TAFA2: variants seen among roughly 807,000 people sequenced by gnomAD.
TAFA2 encodes chemokine-like protein TAFA-2.
In TAFA2, 7 loss-of-function variants were observed where a neutral mutation model predicts 18.8. That is an observed-to-expected ratio of 0.37 (90% CI 0.21 to 0.70). The LOEUF is 0.70. Ranked by LOEUF, TAFA2 falls within the 30% of genes least tolerant of loss-of-function variation. The probability of loss-of-function intolerance (pLI) is 0.53; values close to 1 mark genes in which losing one functional copy is unlikely to be tolerated. For synonymous variants in TAFA2, 60 were observed against 54.2 expected (o/e 1.11, Z -0.47); for missense variants, 122 against 158.1 (o/e 0.77, Z 1.23).
At chr12:61,941,306 CTT>C (rs1295640365) in intron 1 of TAFA2, among the ~76,000 whole-genome samples, 1 of 152,192 alleles carries the variant, frequency 6.6e-6, no homozygotes, top group Non-Finnish European at 1.5e-5. Flanking sequence ...AATCTGCACT[CTT>C]TTTAATTTTC....
At chr12:61,915,902 A>G (rs1014732838) in intron 1 of TAFA2, among the ~76,000 whole-genome samples, 2 of 152,214 alleles carry the variant, frequency 1.3e-5, no homozygotes, top group African/African-American at 2.4e-5. Flanking sequence ...TTCCAGAAAC[A>G]GCCTCACAGA....
At position 62,091,701 on chromosome 12, in the gene TAFA2, G is replaced by A. The variant is rs143984407; in HGVS notation, c.-2+99558C>T. 3.5e-3 allele frequency among the ~76,000 whole-genome samples: 528 copies of A among 151,884 alleles called. 3 individuals carry two copies. The highest frequency in any genetic ancestry group is 4.9e-3 in the Non-Finnish European group (335 of 67,886). ...AATCATCTGAAGGTCCTAATTAACC[G>A]CCACATCCCCTAGGTGATCCCAGAC... On this transcript the variant is annotated intron_variant, in intron 1 of 4. Coordinates refer to ENST00000416284, the MANE Select transcript of TAFA2 (RefSeq NM_178539.5).
chr12:61,924,285 C>T (rs189290925), intron 1 of TAFA2, among the ~76,000 whole-genome samples: 3 of 152,168 alleles, frequency 2.0e-5, no homozygotes, highest in Non-Finnish European at 2.9e-5. Context: ...GACACGTAAT[C>T]GTCAGATTCT....
intron 4 of TAFA2, among the ~76,000 whole-genome samples, chr12:61,723,379 GAATA>G (rs1409432169): frequency 4.6e-5 from 7 of 152,142 alleles, no homozygotes; most frequent in African/African-American, 1.7e-4. Flanking sequence ...ATGGAGAGAT[GAATA>G]AATAAATGAA....
intron 1 of TAFA2, among the ~76,000 whole-genome samples, chr12:62,043,715 T>G (rs1881831567): frequency 6.6e-6 from 1 of 152,190 alleles, no homozygotes; most frequent in South Asian, 2.1e-4. Context: ...TTAAGCATCT[T>G]GCAAGGAATC....
intron 2 of TAFA2, among the ~76,000 whole-genome samples, chr12:61,850,158 G>A (rs947518828): frequency 4.0e-5 from 6 of 151,728 alleles, no homozygotes; most frequent in African/African-American, 1.5e-4. Flanking sequence ...TATACCTGTG[G>A]TATTAAAATT....
chr12:61,960,388 A>T (rs1878842105), intron 1 of TAFA2, among the ~76,000 whole-genome samples: 1 of 152,002 alleles, frequency 6.6e-6, no homozygotes, highest in Admixed American at 6.6e-5. Flanking sequence ...GTGTCTAATT[A>T]TCATTGAATG....
chr12:62,101,272 A>G (rs1413042444), intron 1 of TAFA2, among the ~76,000 whole-genome samples: 1 of 152,182 alleles, frequency 6.6e-6, no homozygotes, highest in Non-Finnish European at 1.5e-5. Context: ...TGACTAATGG[A>G]TTTAACCAAT....
At chr12:61,747,382 T>C (rs1259704908) in intron 4 of TAFA2, among the ~76,000 whole-genome samples, 4 of 146,642 alleles carry the variant, frequency 2.7e-5, no homozygotes, top group Non-Finnish European at 1.5e-5. Context: ...CCCAAAGGAT[T>C]ATAAATCATG....
At chr12:61,972,357 T>C (rs772313993) in intron 1 of TAFA2, among the ~76,000 whole-genome samples, 3 of 150,224 alleles carry the variant, frequency 2.0e-5, no homozygotes, top group Non-Finnish European at 4.4e-5. Flanking sequence ...GTACTACCTA[T>C]AGAAATGGAA....
chr12:62,208,090 G>GA (rs2062699606), intron 1 of TAFA2, among the ~76,000 whole-genome samples: 1 of 152,080 alleles, frequency 6.6e-6, no homozygotes, highest in African/African-American at 2.4e-5. Flanking sequence ...GAGTCCATGG[G>GA]AAAATCTAAC....
chr12:61,810,387 T>C (rs1241040354), intron 2 of TAFA2, among the ~76,000 whole-genome samples: 1 of 151,120 alleles, frequency 6.6e-6, no homozygotes, highest in African/African-American at 2.5e-5. Context: ...TATAGATATT[T>C]CCACTTATTA....
chr12:61,736,098 C>A (rs1411224630), intron 4 of TAFA2, among the ~76,000 whole-genome samples: 1 of 151,948 alleles, frequency 6.6e-6, no homozygotes, highest in African/African-American at 2.4e-5. Flanking sequence ...CCCTTCTCAG[C>A]AATCCCTGGC....
intron 1 of TAFA2, among the ~76,000 whole-genome samples, chr12:62,208,306 T>C (rs897141937): frequency 3.3e-5 from 5 of 151,900 alleles, no homozygotes; most frequent in African/African-American, 1.2e-4. Context: ...GATAGTGGCC[T>C]AAGACATTCA....
At chr12:61,737,822 G>A (rs145494419) in intron 4 of TAFA2, among the ~76,000 whole-genome samples, 84 of 151,794 alleles carry the variant, frequency 5.5e-4, no homozygotes, top group Middle Eastern at 6.8e-3. Flanking sequence ...AATAAATAAG[G>A]CAGTAAGCAC....
intron 1 of TAFA2, among the ~76,000 whole-genome samples, chr12:62,230,332 G>C (rs2062806894): frequency 6.6e-6 from 1 of 151,458 alleles, no homozygotes; most frequent in African/African-American, 2.4e-5. Flanking sequence ...CTATGTTTTT[G>C]ATGTAAGCAT....
At chr12:61,818,656 G>A (rs1872194479) in intron 2 of TAFA2, among the ~76,000 whole-genome samples, 1 of 151,970 alleles carries the variant, frequency 6.6e-6, no homozygotes, top group Non-Finnish European at 1.5e-5. Context: ...TTCCTTACTG[G>A]GGTCCCTGAG....
At chr12:62,088,634 G>T (rs199910107) in intron 1 of TAFA2, among the ~76,000 whole-genome samples, 7 of 122,556 alleles carry the variant, frequency 5.7e-5, no homozygotes, top group African/African-American at 9.3e-5. Context: ...AAAAAAAAAA[G>T]ACACTGGAAA....
chr12:61,868,851 T>A (rs1874468615), intron 1 of TAFA2, among the ~76,000 whole-genome samples: 1 of 152,174 alleles, frequency 6.6e-6, no homozygotes, highest in African/African-American at 2.4e-5. Flanking sequence ...AGTCCAAACT[T>A]TAATGGCTTC....
Sources: allele counts gnomAD v4.1 joint callset (sites outside exome capture counted in the v4.1 genomes callset), GRCh38; gene constraint gnomAD v4.1.1; transcripts MANE v1.5; gene names NCBI Gene and HGNC (gene_info 2026-07-23, HGNC 2026-07-21).